Variants in FMNL2 observed in about 807,000 individuals in gnomAD.
The protein encoded by FMNL2 is formin-like protein 2.
FMNL2 carries 51 observed loss-of-function variants against 130.2 expected under a neutral mutation model. The ratio of observed to expected loss-of-function variants is 0.39; its 90% CI spans 0.31 to 0.49. The LOEUF (loss-of-function observed/expected upper bound fraction) is 0.49, where lower values mean the gene tolerates loss of function less well. Ranked by LOEUF, FMNL2 falls within the 20% of genes least tolerant of loss-of-function variation. FMNL2 has a pLI of 0.85. For synonymous variants in FMNL2, 465 were observed against 467.1 expected, an observed-to-expected ratio of 1.00 and a Z score of 0.06; for missense variants, 977 against 1,316.2, an observed-to-expected ratio of 0.74 and a Z score of 3.99.
At chr2:152,569,239 C>T (rs1396682128) in intron 6 of FMNL2, among the ~76,000 whole-genome samples, 3 of 151,934 alleles carry the variant, frequency 2.0e-5, no homozygotes, top group Non-Finnish European at 4.4e-5. Context: ...AAGAGAAATT[C>T]CTGATCTGTG....
At chr2:152,556,341 A>T (rs533759913) in intron 4 of FMNL2, among the ~76,000 whole-genome samples, 1 of 152,286 alleles carries the variant, frequency 6.6e-6, no homozygotes, top group East Asian at 1.9e-4. Context: ...TTTGAAAAAG[A>T]TGTTAACTGC....
intron 2 of FMNL2, among the ~76,000 whole-genome samples, chr2:152,527,170 T>G (rs1473145668): frequency 6.6e-6 from 1 of 152,232 alleles, no homozygotes; most frequent in Non-Finnish European, 1.5e-5. Context: ...CTGAGTTTCC[T>G]GTTAACTAGA....
At chr2:152,404,767 G>A (rs980292835) in intron 1 of FMNL2, among the ~76,000 whole-genome samples, 6 of 152,318 alleles carry the variant, frequency 3.9e-5, no homozygotes, top group African/African-American at 1.4e-4. Context: ...TAGAGTGGGT[G>A]TGGAATAAAT....
intron 1 of FMNL2, among the ~76,000 whole-genome samples, chr2:152,356,739 C>CTTTT (rs61078878): frequency 4.1e-5 from 6 of 145,916 alleles, no homozygotes; most frequent in African/African-American, 7.5e-5. Context: ...CACTTTTGTG[C>CTTTT]TTTTTTTTTT....
chr2:152,589,106 TA>T (rs397940537), intron 9 of FMNL2, among the ~76,000 whole-genome samples: 264 of 141,736 alleles, frequency 1.9e-3, no homozygotes, highest in Non-Finnish European at 2.0e-3. Context: ...TGGGGGAGCT[TA>T]AAAAAAAAAA....
chr2:152,335,738 G>A lies in FMNL2; in HGVS notation c.117+18G>A. 1.3e-6 allele frequency: 2 copies of A among 1,550,826 alleles called. No homozygotes were observed. The highest frequency in any genetic ancestry group is 1.7e-6 in the Non-Finnish European group (2 of 1,149,906). On this transcript the variant is annotated intron_variant, in intron 1 of 25. Transcript: ENST00000288670. ...TCGTGCTGGTAAGTGCGCGGCGGCG[G>A]TCGGGCGCGGGGACCCGGGGCCCCG...
At chr2:152,383,753 C>T (rs1684629888) in intron 1 of FMNL2, among the ~76,000 whole-genome samples, 1 of 152,108 alleles carries the variant, frequency 6.6e-6, no homozygotes, top group Admixed American at 6.6e-5. Context: ...TAGCCATCCC[C>T]AAACTTAGAG....
chr2:152,367,308 T>G (rs1683615688), intron 1 of FMNL2, among the ~76,000 whole-genome samples: 1 of 152,120 alleles, frequency 6.6e-6, no homozygotes, highest in Non-Finnish European at 1.5e-5. Flanking sequence ...ACTCCTGACC[T>G]CAAGTGATCC....
rs147627488 is a variant in FMNL2 at position 152,390,354 on chromosome 2, A to G, written c.117+54634A>G. 211 of 1,118,834 alleles carry G rather than the reference A, an allele frequency of 1.9e-4. 2 individuals are homozygous for G. The African/African-American group carries it at 2.3e-3, about 12-fold the overall frequency. 69.3% of individuals were successfully genotyped at this position (1,118,834 alleles called of 1,614,324 possible). A position where few individuals can be genotyped will look rare whatever the true frequency, so the allele number is the denominator to read the frequency against. ...GAGCTCGTGGCTCATTGAGGATGGC[A>G]AGGTGGTGACTGTGCATCTTGAGAA... On this transcript the variant is annotated intron_variant, in intron 1 of 25. Transcript: ENST00000288670.
At chr2:152,479,672 A>AATAT (rs60836039) in intron 1 of FMNL2, among the ~76,000 whole-genome samples, 1 of 151,006 alleles carries the variant, frequency 6.6e-6, no homozygotes, top group East Asian at 2.0e-4. Context: ...TTGGCTTTAA[A>AATAT]ATATATATAA....
At chr2:152,465,723 T>A (rs966636304) in intron 1 of FMNL2, among the ~76,000 whole-genome samples, 7 of 152,218 alleles carry the variant, frequency 4.6e-5, no homozygotes, top group Non-Finnish European at 7.3e-5. Flanking sequence ...GGCTTTTCTT[T>A]GGAGAGATCA....
intron 1 of FMNL2, among the ~76,000 whole-genome samples, chr2:152,452,249 A>G (rs1198494870): frequency 2.0e-5 from 3 of 152,210 alleles, no homozygotes; most frequent in Non-Finnish European, 4.4e-5. Context: ...AAATCTGGGA[A>G]TCATTTAAAT....
chr2:152,432,795 C>G (rs984852840), intron 1 of FMNL2, among the ~76,000 whole-genome samples: 2 of 152,184 alleles, frequency 1.3e-5, no homozygotes, highest in African/African-American at 4.8e-5. Flanking sequence ...TGGAGGTACT[C>G]CCTGATAGTC....
At chr2:152,599,151 T>C (rs370488025) in intron 9 of FMNL2, among the ~76,000 whole-genome samples, 27 of 152,356 alleles carry the variant, frequency 1.8e-4, no homozygotes, top group African/African-American at 6.0e-4. Flanking sequence ...TCTTCTTTAC[T>C]CACTGTCACA....
chr2:152,505,927 T>G (rs1042843584), intron 1 of FMNL2, among the ~76,000 whole-genome samples: 2 of 152,230 alleles, frequency 1.3e-5, no homozygotes, highest in Non-Finnish European at 2.9e-5. Context: ...GCATTGTTAA[T>G]AATTATGCCA....
intron 1 of FMNL2, among the ~76,000 whole-genome samples, chr2:152,420,779 G>A (rs1372675732): frequency 3.3e-5 from 5 of 152,152 alleles, no homozygotes; most frequent in Admixed American, 1.3e-4. Context: ...GGTTGCAGGG[G>A]GTGCCTTCTG....
chr2:152,589,935 TTATACATATATATATATATATA>T (rs1558987966), intron 9 of FMNL2, among the ~76,000 whole-genome samples: 2 of 78,776 alleles, frequency 2.5e-5, no homozygotes, highest in Non-Finnish European at 5.0e-5. Flanking sequence ...ACACCTGGCT[TTATACATATATATATATATATA>T]TATATATATA....
At chr2:152,392,358 TG>T (rs1480401073) in intron 1 of FMNL2, among the ~76,000 whole-genome samples, 1 of 152,146 alleles carries the variant, frequency 6.6e-6, no homozygotes, top group Non-Finnish European at 1.5e-5. Context: ...ATCTTTTCTG[TG>T]GGGTGATTTG....
chr2:152,477,568 A>C (rs561024662), intron 1 of FMNL2, among the ~76,000 whole-genome samples: 1 of 152,314 alleles, frequency 6.6e-6, no homozygotes, highest in East Asian at 1.9e-4. Context: ...AGGAGCAAAC[A>C]AGACAGGAGC....
Sources: gnomAD v4.1 joint callset for allele counts (sites outside exome capture counted in the v4.1 genomes callset) on GRCh38, gnomAD v4.1.1 for gene constraint, MANE v1.5 for transcripts, NCBI Gene and HGNC (gene_info 2026-07-23, HGNC 2026-07-21) for gene names.